Variants in GABRG3 observed in about 807,000 individuals in gnomAD.
GABRG3 encodes the protein gamma-aminobutyric acid type A receptor subunit gamma3.
In GABRG3, 25 loss-of-function variants were observed where a neutral mutation model predicts 48.8. The observed-to-expected ratio is 0.51, with a 90% CI of 0.37 to 0.72. The LOEUF (loss-of-function observed/expected upper bound fraction) is 0.72. GABRG3 is among the 30% of genes least tolerant of loss of function. GABRG3 has a pLI of 0.00. For missense variants in GABRG3, 394 were observed against 577.9 expected, an observed-to-expected ratio of 0.68 and a Z score of 3.26; for synonymous variants, 227 against 217.6, an observed-to-expected ratio of 1.04 and a Z score of -0.38.
rs534967887 is a variant in GABRG3, at chr15:27,228,398, T to A, written c.271-98411T>A. Among the ~76,000 whole-genome samples, 18 of 152,370 alleles carry A rather than the reference T, an allele frequency of 1.2e-4. 1 individual carries two copies. The highest frequency in any genetic ancestry group is 3.6e-4 in the African/African-American group (15 of 41,586). ...TGTTCCCGCAAAAGACATGTTCTCATTCTTTTTTATGGCTGCATAGTATTA... is the reference window on the plus strand; with the variant it reads ...TGTTCCCGCAAAAGACATGTTCTCAATCTTTTTTATGGCTGCATAGTATTA... On this transcript the variant is annotated intron_variant, in intron 3 of 9. Transcript: ENST00000615808.
chr15:27,035,221 G>A (rs1474658439), intron 3 of GABRG3, among the ~76,000 whole-genome samples: 4 of 152,152 alleles, frequency 2.6e-5, no homozygotes, highest in African/African-American at 9.7e-5. Context: ...TCTGTCCTCT[G>A]GTGTCTTAGA....
chr15:27,300,336 G>A (rs1892153310), intron 3 of GABRG3, among the ~76,000 whole-genome samples: 1 of 151,996 alleles, frequency 6.6e-6, no homozygotes, highest in Admixed American at 6.6e-5. Context: ...GTATATGTTG[G>A]AATTATCTTA....
intron 7 of GABRG3, among the ~76,000 whole-genome samples, chr15:27,521,419 G>T (rs1891156970): frequency 6.6e-6 from 1 of 152,034 alleles, no homozygotes; most frequent in Non-Finnish European, 1.5e-5. Context: ...AGAATTCAAA[G>T]AGCTTCTTAA....
chr15:27,060,981 G>A (rs921800360), intron 3 of GABRG3, among the ~76,000 whole-genome samples: 1 of 152,134 alleles, frequency 6.6e-6, no homozygotes, highest in African/African-American at 2.4e-5. Context: ...TTAATAGGGC[G>A]ATGGCCATAC....
At chr15:27,214,742 C>T (rs914431385) in intron 3 of GABRG3, among the ~76,000 whole-genome samples, 1 of 149,736 alleles carries the variant, frequency 6.7e-6, no homozygotes, top group African/African-American at 2.5e-5. Context: ...ATCAAATAGC[C>T]TTTGAGAATC....
chr15:27,231,056 T>C (rs569870045), intron 3 of GABRG3, among the ~76,000 whole-genome samples: 21 of 150,874 alleles, frequency 1.4e-4, no homozygotes, highest in South Asian at 4.2e-4. Context: ...TGTGATTTCT[T>C]CCTAATATTA....
intron 3 of GABRG3, among the ~76,000 whole-genome samples, chr15:27,269,976 A>C (rs1326577001): frequency 6.6e-6 from 1 of 152,222 alleles, no homozygotes; most frequent in African/African-American, 2.4e-5. Context: ...TATGTTATTG[A>C]AACATTGAAA....
intron 5 of GABRG3, among the ~76,000 whole-genome samples, chr15:27,438,651 C>T (rs771929205): frequency 2.8e-4 from 42 of 152,316 alleles, no homozygotes; most frequent in Admixed American, 5.9e-4. Context: ...CCTGCTCCTC[C>T]GGGTGTCCTT....
chr15:27,370,847 C>G (rs1040337356), intron 5 of GABRG3, among the ~76,000 whole-genome samples: 2 of 152,160 alleles, frequency 1.3e-5, no homozygotes, highest in Non-Finnish European at 2.9e-5. Flanking sequence ...GGTTGTTTTT[C>G]CAGCAGTGGC....
intron 3 of GABRG3, among the ~76,000 whole-genome samples, chr15:27,156,298 CAAAAAAA>C (rs34055206): frequency 5.1e-5 from 4 of 78,124 alleles, no homozygotes; most frequent in Admixed American, 1.6e-4. Context: ...CACTCTGTCT[CAAAAAAA>C]AAAAAAAAAA....
At chr15:27,490,865 C>T (rs749640439) in intron 6 of GABRG3, among the ~76,000 whole-genome samples, 1 of 152,162 alleles carries the variant, frequency 6.6e-6, no homozygotes, top group Non-Finnish European at 1.5e-5. Flanking sequence ...TGTGGCCCCA[C>T]GTGTGGCCCT....
At chr15:27,004,192 G>C (rs1415653202) in intron 2 of GABRG3, among the ~76,000 whole-genome samples, 3 of 151,300 alleles carry the variant, frequency 2.0e-5, no homozygotes, top group Middle Eastern at 3.5e-3. Context: ...CTTCCCAGAC[G>C]GGGTGGCTGC....
chr15:27,530,706 C>T (rs1269178976), intron 9 of GABRG3: 9 of 470,952 alleles, frequency 1.9e-5, no homozygotes, highest in Middle Eastern at 6.5e-4. Context: ...TCTGCCTCCC[C>T]GTCTAAGTCA....
intron 3 of GABRG3, among the ~76,000 whole-genome samples, chr15:27,100,421 T>A (rs1007185266): frequency 1.3e-5 from 2 of 152,152 alleles, no homozygotes; most frequent in Non-Finnish European, 1.5e-5. Flanking sequence ...TTAACACCAA[T>A]TCTACAAAAT....
chr15:27,207,266 GGGGTTTTTAAATA>G (rs1211580089), intron 3 of GABRG3, among the ~76,000 whole-genome samples: 16 of 152,116 alleles, frequency 1.1e-4, no homozygotes, highest in African/African-American at 3.9e-4. Flanking sequence ...TGCAAATGAT[GGGGTTTTTAAATA>G]GGCTGGACTT....
chr15:27,480,561 C>A, intron 5 of GABRG3, 89 bp from the exon 6 acceptor site: 1 of 1,235,882 alleles, frequency 8.1e-7, no homozygotes, highest in Non-Finnish European at 1.1e-6. Context: ...CTCCTAACTC[C>A]TGTAATTCAT....
Position 27,026,820 on chromosome 15 carries a change from T to A in GABRG3, c.269T>A (p.Met90Lys). Residue 90 changes from methionine to lysine, a missense_variant and splice_region_variant, in exon 3 of 10, where the codon ATG becomes AAG. By Grantham distance (95) the Met-to-Lys change is moderately conservative (BLOSUM62 -1). Around this residue, in one of 3 missense-constraint regions of GABRG3, gnomAD observed 218 missense variants for 309.9 expected, o/e 0.70. Transcript: ENST00000615808. ...ATTGGTCCTGTGTCATCAATAAACA[T>A]GGTAAGAAGCTCCTTTATTTTCTGA... ...NSIGPVSSINMEYQIDIFFAQ... is the reference protein window; with the variant it reads ...NSIGPVSSINKEYQIDIFFAQ... The A allele has an allele frequency of 1.2e-6, 2 of 1,600,936 alleles. No homozygotes were observed. Among genetic ancestry groups the A allele is most frequent in the Non-Finnish European group, 1.7e-6 (2 of 1,174,340 alleles).
At chr15:27,389,892 G>T (rs568087265) in intron 5 of GABRG3, among the ~76,000 whole-genome samples, 15 of 152,300 alleles carry the variant, frequency 9.8e-5, no homozygotes, top group African/African-American at 2.6e-4. Flanking sequence ...GCATAAAACT[G>T]CCTGCAGGGC....
intron 2 of GABRG3, among the ~76,000 whole-genome samples, chr15:27,003,310 G>A (rs1347740971): frequency 6.6e-6 from 1 of 151,150 alleles, no homozygotes; most frequent in African/African-American, 2.4e-5. Flanking sequence ...GTGGAGGGAA[G>A]GTCAGCAGAT....
Sources: allele counts gnomAD v4.1 joint callset (sites outside exome capture counted in the v4.1 genomes callset), GRCh38; gene constraint gnomAD v4.1.1; regional missense constraint gnomAD v4.1.1; transcripts MANE v1.5; gene names NCBI Gene and HGNC (gene_info 2026-07-23, HGNC 2026-07-21).